Variants in CFAP92 observed in about 807,000 individuals in gnomAD.
CFAP92 encodes the protein cilia and flagella associated protein 92 (putative).
CFAP92 carries 86 observed loss-of-function variants against 106.3 expected under a neutral mutation model. That is an observed-to-expected ratio of 0.81 (90% CI 0.68 to 0.97). CFAP92 has a LOEUF of 0.97. Ranked by LOEUF, CFAP92 falls within the 50% of genes least tolerant of loss-of-function variation. The pLI is 0.00. For synonymous variants in CFAP92, 477 were observed against 506.4 expected (o/e 0.94, Z 0.78); for missense variants, 1,204 against 1,283.8 (o/e 0.94, Z 0.95).
chr3:128,926,005 C>G (rs1937617129), intron 12 of CFAP92, among the ~76,000 whole-genome samples: 2 of 152,108 alleles, frequency 1.3e-5, no homozygotes, highest in Admixed American at 1.3e-4. Context: ...AATACTGAAA[C>G]AATGAAAAGA....
chr3:128,930,235 C>T (rs1168763399), intron 12 of CFAP92, among the ~76,000 whole-genome samples: 1 of 152,138 alleles, frequency 6.6e-6, no homozygotes, highest in African/African-American at 2.4e-5. Flanking sequence ...ACTGCAACCT[C>T]TGCCTCCTGG....
At chr3:129,002,048 C>T (rs771513415) in intron 1 of CFAP92, 1 of 1,541,450 alleles carries the variant, frequency 6.5e-7, no homozygotes, top group South Asian at 1.2e-5. Flanking sequence ...CGCCGGAGCT[C>T]ACCTTCCGCC....
At chr3:129,001,815 T>C (rs761627107) in intron 1 of CFAP92, 2 of 1,545,438 alleles carry the variant, frequency 1.3e-6, no homozygotes, top group South Asian at 2.4e-5. Flanking sequence ...GCAGGAGGTC[T>C]TCCACCACCT....
intron 3 of CFAP92, 99 bp from the exon 4 acceptor site, chr3:128,987,928 G>A (rs1270771818): frequency 2.0e-6 from 2 of 992,140 alleles, no homozygotes; most frequent in African/African-American, 3.3e-5. Flanking sequence ...CTCAGCAGCA[G>A]CGCTGCCTGA....
At chr3:128,982,250 G>A (rs1264131075) in intron 4 of CFAP92, among the ~76,000 whole-genome samples, 1 of 152,200 alleles carries the variant, frequency 6.6e-6, no homozygotes, top group East Asian at 1.9e-4. Flanking sequence ...CAGCTTCTCC[G>A]TCAGCACTTG....
intron 1 of CFAP92, 42 bp from the exon 2 acceptor site, chr3:128,993,378 G>T: frequency 1.3e-6 from 2 of 1,534,666 alleles, no homozygotes; most frequent in South Asian, 2.4e-5. Context: ...CTGTATTCCA[G>T]GGCTGCTCCA....
At chr3:128,983,056 G>C (rs973720956) in intron 4 of CFAP92, among the ~76,000 whole-genome samples, 1 of 152,116 alleles carries the variant, frequency 6.6e-6, no homozygotes, top group Non-Finnish European at 1.5e-5. Context: ...TTCAACACAG[G>C]GTTGCCACAA....
intron 9 of CFAP92, among the ~76,000 whole-genome samples, chr3:128,962,148 C>T (rs1441883820): frequency 6.6e-6 from 1 of 152,174 alleles, no homozygotes; most frequent in African/African-American, 2.4e-5. Context: ...CTGACTGACT[C>T]CTTCTCGGCT....
At chr3:128,920,384 A>G (rs1322617685) in intron 12 of CFAP92, among the ~76,000 whole-genome samples, 1 of 152,202 alleles carries the variant, frequency 6.6e-6, no homozygotes, top group Non-Finnish European at 1.5e-5. Context: ...AGCCTGGGCC[A>G]CAGAGCAAGA....
At chr3:129,006,731 G>GGT (rs1945091261), upstream of CFAP92, among the ~76,000 whole-genome samples, 1 of 152,112 alleles carries the variant, frequency 6.6e-6, no homozygotes, top group African/African-American at 2.4e-5. Flanking sequence ...CTATGTGAAG[G>GGT]GCACACGGTG....
At chr3:129,018,174 A>T in the CFAP92 span, among the ~76,000 whole-genome samples, 1 of 152,252 alleles carries the variant, frequency 6.6e-6, no homozygotes, top group South Asian at 2.1e-4. Context: ...TGGCCTTGGG[A>T]GTAAAGATGA....
chr3:128,947,525 G>T (rs970899805), intron 9 of CFAP92, among the ~76,000 whole-genome samples: 5 of 152,202 alleles, frequency 3.3e-5, no homozygotes, highest in African/African-American at 1.2e-4. Flanking sequence ...GCAAGACAGT[G>T]TCGTGTTGCT....
intron 10 of CFAP92, among the ~76,000 whole-genome samples, chr3:128,942,076 G>A (rs143474670): frequency 0.013 from 2,028 of 152,234 alleles, 49 homozygotes; most frequent in African/African-American, 0.045. Flanking sequence ...CCCCAAGACC[G>A]CCCTTACTTC....
the CFAP92 span, among the ~76,000 whole-genome samples, chr3:129,018,235 A>G: frequency 4.6e-5 from 7 of 152,150 alleles, no homozygotes; most frequent in African/African-American, 7.2e-5. Context: ...TAGGGAGACA[A>G]ATTGTCTCCA....
rs1936701385 is a variant in CFAP92 at position 128,915,149 on chromosome 3, G to A, written c.3250C>T (p.Leu1084Phe). Reference protein sequence around the residue: ...YKKPPPFLELLPSPAPKPVTV... With the variant: ...YKKPPPFLELFPSPAPKPVTV... The stretch of plus-strand genomic sequence containing the variant: ...ACAGGCTTTGGTGCGGGCGAAGGGA[G>A]CAGCTCGAGGAAAGGTGGTGGTTTC... Residue 1084 changes from leucine to phenylalanine, a missense_variant, in exon 15 of 16, where the codon CTC (leucine) becomes TTC (phenylalanine). Leu to Phe is a conservative substitution (Grantham distance 22). Coordinates refer to ENST00000645291, the MANE Select transcript of CFAP92 (RefSeq NM_001394090.1). 9 of 1,536,156 alleles carry A rather than the reference G, an allele frequency of 5.9e-6. No homozygotes were observed. Among genetic ancestry groups the A allele is most frequent in the Non-Finnish European group, 7.8e-6 (9 of 1,146,936 alleles).
chr3:129,004,118 C>G, upstream of CFAP92: 1 of 1,442,162 alleles, frequency 6.9e-7, no homozygotes, highest in Non-Finnish European at 9.1e-7. Flanking sequence ...TTCCCCAATT[C>G]GGCTCCCATT....
chr3:129,020,785 G>T, the CFAP92 span, among the ~76,000 whole-genome samples: 10 of 152,322 alleles, frequency 6.6e-5, no homozygotes, highest in East Asian at 1.5e-3. Context: ...AGAGGCTCCA[G>T]GGGAGGGAGC....
chr3:128,964,560 A>G (rs1422335418), intron 9 of CFAP92, among the ~76,000 whole-genome samples: 1 of 152,190 alleles, frequency 6.6e-6, no homozygotes, highest in African/African-American at 2.4e-5. Context: ...TGAAGTAAAT[A>G]AATAATCTTT....
chr3:128,935,708 G>A (rs533710344), intron 10 of CFAP92, among the ~76,000 whole-genome samples: 3 of 151,910 alleles, frequency 2.0e-5, no homozygotes, highest in African/African-American at 4.8e-5. Flanking sequence ...GCGAAACTCC[G>A]TCTCAAAACA....
Sources: gnomAD v4.1 joint callset for allele counts (sites outside exome capture counted in the v4.1 genomes callset) on GRCh38, gnomAD v4.1.1 for gene constraint, MANE v1.5 for transcripts, NCBI Gene and HGNC (gene_info 2026-07-23, HGNC 2026-07-21) for gene names.